C2CD5: variants seen among roughly 807,000 people sequenced by gnomAD.
C2CD5 encodes C2 domain-containing protein 5.
C2CD5 carries 109 observed loss-of-function variants against 130.3 expected under a neutral mutation model. The ratio of observed to expected loss-of-function variants is 0.84; its 90% CI spans 0.72 to 0.98. The LOEUF (loss-of-function observed/expected upper bound fraction) is 0.98, where lower values mean the gene tolerates loss of function less well. Ranked by LOEUF, C2CD5 falls within the 50% of genes least tolerant of loss-of-function variation. The pLI, the probability that C2CD5 is intolerant of heterozygous loss-of-function variation, is 0.00. For missense variants in C2CD5, 996 were observed against 1,261.8 expected (o/e 0.79, Z 3.19); for synonymous variants, 454 against 429.2 (o/e 1.06, Z -0.71).
chr12:22,496,455 TGACACATGAAATGATACA>T (rs911605365), intron 10 of C2CD5, among the ~76,000 whole-genome samples: 5 of 151,986 alleles, frequency 3.3e-5, no homozygotes, highest in Non-Finnish European at 5.9e-5. Context: ...ACTATGTATG[TGACACATGAAATGATACA>T]ATTTAGTTAT....
intron 26 of C2CD5, among the ~76,000 whole-genome samples, 176 bp from the exon 27 acceptor site, chr12:22,450,067 A>G (rs1407360858): frequency 6.6e-6 from 1 of 152,154 alleles, no homozygotes; most frequent in Non-Finnish European, 1.5e-5. Flanking sequence ...ACAGGAAAGA[A>G]AACTCAAGGA....
chr12:22,490,166 T>G lies in C2CD5; in HGVS notation c.1315A>C (p.Arg439=). Residue 439 remains arginine (R), a synonymous_variant, in exon 12 of 27, where the codon AGA becomes CGA. Transcript: ENST00000446597. The stretch of plus-strand genomic sequence containing the variant: ...TCCACGGTGCCATCCTGCAGAAATC[T>G]AGGATTCAGTACAGCCGCTGTGCCA... ...ASGTAAVLNP[R]FLQDGTVEGC... 1.9e-6 allele frequency: 3 copies of G among 1,613,600 alleles called. No individual in the cohort carries two copies.
At chr12:22,460,216 T>C (rs1448721459) in intron 22 of C2CD5, among the ~76,000 whole-genome samples, 1 of 152,198 alleles carries the variant, frequency 6.6e-6, no homozygotes, top group Non-Finnish European at 1.5e-5. Flanking sequence ...ATTTAAGGTA[T>C]TGTACAAATT....
intron 10 of C2CD5, among the ~76,000 whole-genome samples, chr12:22,506,148 C>CCTAT (rs779119034): frequency 2.1e-4 from 32 of 152,078 alleles, no homozygotes; most frequent in Non-Finnish European, 4.1e-4. Flanking sequence ...CCCTCTGCTA[C>CCTAT]CTATCTGTTC....
chr12:22,468,350 C>T (rs188320888), intron 22 of C2CD5, among the ~76,000 whole-genome samples: 84 of 152,224 alleles, frequency 5.5e-4, no homozygotes, highest in Non-Finnish European at 8.2e-4. Flanking sequence ...TCCCACGGAG[C>T]TAGGATCACA....
chr12:22,462,754 C>T (rs1941393857), intron 22 of C2CD5, among the ~76,000 whole-genome samples: 1 of 152,168 alleles, frequency 6.6e-6, no homozygotes, highest in South Asian at 2.1e-4. Flanking sequence ...CCCTCCAAAA[C>T]TCACTGAAAT....
chr12:22,505,143 T>A (rs1948326887), intron 10 of C2CD5, among the ~76,000 whole-genome samples: 2 of 151,968 alleles, frequency 1.3e-5, no homozygotes, highest in African/African-American at 4.8e-5. Context: ...GGGCATAAAT[T>A]AAACTTTAAA....
rs1951717581 is a variant in C2CD5 at position 22,535,306 on chromosome 12, G to A, written c.129C>T (p.Tyr43=). The A allele has an allele frequency of 2.5e-6, 4 of 1,605,696 alleles. No homozygotes were observed. The highest frequency in any genetic ancestry group is 2.2e-5 in the East Asian group (1 of 44,730). ...TCCACTGAGGGTTGAGTGACTTAAG[G>A]TACACATCTGTTTTAAAGGTGGTAT... is the stretch of plus-strand genomic sequence containing the variant. The part of the protein sequence containing the change: ...FGNTTFKTDV[Y]LKSLNPQWNS... Residue 43 remains tyrosine (Y), a synonymous_variant, in exon 3 of 27, where the codon TAC becomes TAT. Coordinates refer to ENST00000446597, the MANE Select transcript of C2CD5 (RefSeq NM_001286176.2).
intron 22 of C2CD5, among the ~76,000 whole-genome samples, chr12:22,467,707 G>A (rs747548794): frequency 2.0e-5 from 3 of 152,082 alleles, no homozygotes; most frequent in East Asian, 1.9e-4. Flanking sequence ...CCTACCTCAC[G>A]GTCCCTCTCA....
intron 24 of C2CD5, among the ~76,000 whole-genome samples, chr12:22,457,760 T>TAC (rs1320249065): frequency 6.6e-6 from 1 of 152,104 alleles, no homozygotes; most frequent in East Asian, 1.9e-4. Flanking sequence ...TATATATATA[T>TAC]ATCTAATCCT....
At chr12:22,506,359 T>C (rs1015989407) in intron 10 of C2CD5, among the ~76,000 whole-genome samples, 4 of 152,116 alleles carry the variant, frequency 2.6e-5, no homozygotes, top group African/African-American at 9.7e-5. Flanking sequence ...AAATAAGTAA[T>C]CTATAAAAAG....
At chr12:22,529,691 A>C (rs2137126094) in intron 3 of C2CD5, among the ~76,000 whole-genome samples, 1 of 152,264 alleles carries the variant, frequency 6.6e-6, no homozygotes, top group Admixed American at 6.5e-5. Flanking sequence ...CTGCCAAAAG[A>C]CTGCATTTCT....
intron 24 of C2CD5, 100 bp from the exon 25 acceptor site, chr12:22,457,261 G>C (rs1302304128): frequency 1.3e-5 from 9 of 707,812 alleles, no homozygotes; most frequent in Non-Finnish European, 1.8e-5. Flanking sequence ...TCAGCTGTCT[G>C]TGAGGCTAAG....
At chr12:22,450,849 A>C (rs1938437281) in intron 26 of C2CD5, among the ~76,000 whole-genome samples, 1 of 152,042 alleles carries the variant, frequency 6.6e-6, no homozygotes, top group Non-Finnish European at 1.5e-5. Flanking sequence ...ATTCCGATCG[A>C]CCTATACCAT....
At chr12:22,533,056 C>A (rs1951458981) in intron 3 of C2CD5, among the ~76,000 whole-genome samples, 2 of 152,064 alleles carry the variant, frequency 1.3e-5, no homozygotes, top group Admixed American at 1.3e-4. Flanking sequence ...GTCTATTACA[C>A]GCTCTTCTGG....
intron 10 of C2CD5, chr12:22,497,681 C>G (rs1947200197): frequency 2.1e-6 from 1 of 480,426 alleles, no homozygotes; most frequent in South Asian, 9.0e-5. Flanking sequence ...TAATCTCAAA[C>G]TGGGTGGGGA....
intron 11 of C2CD5, 34 bp downstream of exon 11, chr12:22,493,189 G>T (rs778175654): frequency 8.3e-7 from 1 of 1,211,708 alleles, no homozygotes; most frequent in Non-Finnish European, 1.2e-6. Flanking sequence ...GTCTAAATTA[G>T]TGTCTGGAAA....
intron 8 of C2CD5, chr12:22,515,094 AAG>A (rs975559633): frequency 9.1e-6 from 9 of 984,938 alleles, no homozygotes; most frequent in Non-Finnish European, 1.1e-5. Context: ...AGGGAACCAC[AAG>A]AGAGAGAGGG....
intron 2 of C2CD5, among the ~76,000 whole-genome samples, chr12:22,542,945 CG>C (rs1369154076): frequency 2.0e-5 from 3 of 152,142 alleles, no homozygotes; most frequent in Non-Finnish European, 2.9e-5. Context: ...TCTGAACTAC[CG>C]GAAAGCAAAC....
Sources: allele counts gnomAD v4.1 joint callset (sites outside exome capture counted in the v4.1 genomes callset), GRCh38; gene constraint gnomAD v4.1.1; transcripts MANE v1.5; gene names NCBI Gene and HGNC (gene_info 2026-07-23, HGNC 2026-07-21).